The following RBM7 variants were observed in gnomAD, a reference collection of about 807,000 sequenced individuals.
The protein encoded by RBM7 is RNA-binding protein 7.
RBM7 carries 13 observed loss-of-function variants against 31.0 expected under a neutral mutation model. The observed-to-expected ratio is 0.42, with a 90% CI of 0.27 to 0.67. The LOEUF (loss-of-function observed/expected upper bound fraction) is 0.67. RBM7 is among the 30% of genes least tolerant of loss of function. RBM7 has a pLI of 0.24. For missense variants in RBM7, 245 were observed against 326.2 expected, an observed-to-expected ratio of 0.75 and a Z score of 1.92; for synonymous variants, 106 against 111.2, an observed-to-expected ratio of 0.95 and a Z score of 0.30.
rs1053791256 is a variant in RBM7 at position 114,407,627 on chromosome 11, C to T, written c.624C>T (p.Tyr208=). The change falls in exon 5 of 5, where the codon TAC becomes TAT. Residue 208 remains tyrosine (Y), a synonymous_variant. Coordinates refer to ENST00000375490, the MANE Select transcript of RBM7 (RefSeq NM_001286045.2). ...AAGTCAGAATGAATTCTTATCCCTA[C>T]CTAGCAGATAGACATTATAGCCGGG... The part of the protein sequence containing the change: ...QRKVRMNSYP[Y]LADRHYSREQ... 1 of 1,613,924 alleles carries T rather than the reference C, an allele frequency of 6.2e-7. No homozygotes were observed. Among genetic ancestry groups the T allele is most frequent in the Non-Finnish European group, 8.5e-7 (1 of 1,179,934 alleles).
intron 3 of RBM7, among the ~76,000 whole-genome samples, chr11:114,403,253 T>C (rs1946227900): frequency 6.6e-6 from 1 of 152,242 alleles, no homozygotes; most frequent in Non-Finnish European, 1.5e-5. Flanking sequence ...CTACTTGGAT[T>C]ACTATTTCAT....
intron 1 of RBM7, among the ~76,000 whole-genome samples, chr11:114,401,345 A>G (rs1234893946): frequency 6.6e-6 from 1 of 152,200 alleles, no homozygotes. Flanking sequence ...ATTAATCAAT[A>G]CAAAAGTCCG....
At position 114,407,969 on chromosome 11, in the gene RBM7, G is replaced by A. The variant is rs757663369; in HGVS notation, c.*162G>A. 5.0e-6 allele frequency: 4 copies of A among 792,398 alleles called. No individual in the cohort carries two copies. Among genetic ancestry groups the A allele is most frequent in the Non-Finnish European group, 7.4e-6 (4 of 541,888 alleles). The allele number at this position is 792,398 out of a possible 1,614,324, so 49.1% of individuals were successfully genotyped here. A position where few individuals can be genotyped will look rare whatever the true frequency, so the allele number is the denominator to read the frequency against. ...ACAGTTTAATACAAAATGAATTGCG[G>A]TTTTATTACATTAATAACCTTTCAC... On this transcript the variant is annotated 3_prime_UTR_variant, in exon 5 of 5. Transcript: ENST00000375490.
At chr11:114,405,971 G>T in intron 4 of RBM7, 172 bp downstream of exon 4, 1 of 511,278 alleles carries the variant, frequency 2.0e-6, no homozygotes, top group Non-Finnish European at 3.4e-6. Context: ...TCAAATTTTT[G>T]TTAGACTAGC....
At position 114,409,101 on chromosome 11, in the gene RBM7, C is replaced by T. The variant is rs1398711742; in HGVS notation, c.*1294C>T. 3 of 151,996 alleles carry T rather than the reference C, an allele frequency of 2.0e-5. No individual in the cohort carries two copies. Among genetic ancestry groups the T allele is most frequent in the East Asian group, 1.9e-4 (1 of 5,206 alleles). 9.4% of individuals were successfully genotyped at this position (151,996 alleles called of 1,614,324 possible). On this transcript the variant is annotated 3_prime_UTR_variant, in exon 5 of 5. Coordinates refer to ENST00000375490, the MANE Select transcript of RBM7 (RefSeq NM_001286045.2). ...CACAATCAGATTTTCAGTGACCCCT[C>T]GATTATAGCTTGGAGTACTTTAGTT...
rs910773755 is a variant in RBM7 at position 114,410,539 on chromosome 11, A to G, written c.*2732A>G. 3.9e-5 allele frequency: 6 copies of G among 152,200 alleles called. No homozygotes were observed. The highest frequency in any genetic ancestry group is 1.4e-4 in the African/African-American group (6 of 41,442). 9.4% of individuals were successfully genotyped at this position (152,200 alleles called of 1,614,324 possible). A position where few individuals can be genotyped will look rare whatever the true frequency, so the allele number is the denominator to read the frequency against. On this transcript the variant is annotated 3_prime_UTR_variant, in exon 5 of 5. Transcript: ENST00000375490. ...CTTCCAGTCTTCTTTCCTCAAATTT[A>G]TTCCACACTCTTAAGAATTGAAGAT...
chr11:114,407,160 G>A (rs1478978677), intron 4 of RBM7: 1 of 266,370 alleles, frequency 3.8e-6, no homozygotes, highest in Non-Finnish European at 7.1e-6. Flanking sequence ...CTTTCCTAAT[G>A]ATACTGATCT....
intron 4 of RBM7, chr11:114,407,139 C>T (rs1039733453): frequency 4.4e-6 from 1 of 227,804 alleles, no homozygotes; most frequent in Non-Finnish European, 8.5e-6. Flanking sequence ...CATATGCCAC[C>T]TTCATGAAAC....
In RBM7 at chr11:114,410,454, A is replaced by G. The variant is rs1946322298; in HGVS notation, c.*2647A>G. The G allele has an allele frequency of 6.6e-6, 1 of 152,154 alleles. No individual in the cohort carries two copies. The highest frequency in any genetic ancestry group is 2.1e-4 in the South Asian group (1 of 4,820). The allele number at this position is 152,154 out of a possible 1,614,324, so 9.4% of individuals were successfully genotyped here. On this transcript the variant is annotated 3_prime_UTR_variant, in exon 5 of 5. Coordinates refer to ENST00000375490, the MANE Select transcript of RBM7 (RefSeq NM_001286045.2). ...CACTTTCCCCATACCTACTGCTACC[A>G]TCTTAGAGTAGGCAATTTTCTCAAG...
rs747450526 is a variant in RBM7, at chr11:114,407,405, A to G, written c.442-40A>G. 10 of 1,564,358 alleles carry G rather than the reference A, an allele frequency of 6.4e-6. No individual in the cohort carries two copies. The South Asian group carries it at 1.1e-4, about 17-fold the overall frequency. The stretch of plus-strand genomic sequence containing the variant: ...TGACCAAATACATATTAGCTTTGAT[A>G]TCTAGAAGTATTAACATTTCCACTT... On this transcript the variant is annotated intron_variant, in intron 4 of 4. Transcript: ENST00000375490.
Position 114,407,841 on chromosome 11 carries a change from A to C in RBM7, c.*34A>C. The C allele has an allele frequency of 6.5e-7, 1 of 1,547,922 alleles. No homozygotes were observed. Among genetic ancestry groups the C allele is most frequent in the Non-Finnish European group, 8.7e-7 (1 of 1,151,828 alleles). On this transcript the variant is annotated 3_prime_UTR_variant, in exon 5 of 5. Transcript: ENST00000375490. ...AAAAGGACATTGTTTTTATAGGGTCATTTTAGGCCCTTTGACTAAGTTGAT... is the reference window on the plus strand; with the variant it reads ...AAAAGGACATTGTTTTTATAGGGTCCTTTTAGGCCCTTTGACTAAGTTGAT...
In RBM7 at chr11:114,402,906, C is replaced by A; in HGVS notation, c.338C>A (p.Ser113Tyr). 1 of 1,605,530 alleles carries A rather than the reference C, an allele frequency of 6.2e-7. No homozygotes were observed. Among genetic ancestry groups the A allele is most frequent in the Non-Finnish European group, 8.5e-7 (1 of 1,172,228 alleles). The change falls in exon 3 of 5, where the codon TCT (serine) becomes TAT (tyrosine). Residue 113 changes from serine (S) to tyrosine (Y), a missense_variant. Coordinates refer to ENST00000375490, the MANE Select transcript of RBM7 (RefSeq NM_001286045.2). Reference sequence around the variant, plus strand: ...GGAAATTCAAGCCCTACCTCCACATCTCCTAGCAGGTAATATTTCTCACTT... The same window carrying A: ...GGAAATTCAAGCCCTACCTCCACATATCCTAGCAGGTAATATTTCTCACTT... ...HVGNSSPTST[S>Y]PSSRYERTMD...
intron 4 of RBM7, chr11:114,407,193 A>C: frequency 3.0e-6 from 1 of 337,074 alleles, no homozygotes; most frequent in East Asian, 5.0e-5. Flanking sequence ...TTTTTTACAC[A>C]GTGATTTTGC....
At position 114,408,641 on chromosome 11, in the gene RBM7, AAC is replaced by A. The variant is rs1946299604; in HGVS notation, c.*836_*837del. ...CTGTCAGTCAAACGTTAAAAACTTT[AAC>A]ATTTTCAAAGTGCCCAGACTGTGTA... On this transcript the variant is annotated 3_prime_UTR_variant, in exon 5 of 5. Coordinates refer to ENST00000375490, the MANE Select transcript of RBM7 (RefSeq NM_001286045.2). 6.6e-6 allele frequency: 1 copy of A among 152,556 alleles called. No homozygotes were observed. The highest frequency in any genetic ancestry group is 2.1e-4 in the South Asian group (1 of 4,834). The allele number at this position is 152,556 out of a possible 1,614,324, so 9.5% of individuals were successfully genotyped here. A position where few individuals can be genotyped will look rare whatever the true frequency, so the allele number is the denominator to read the frequency against.
At chr11:114,401,884 G>A (rs746950932) in intron 2 of RBM7, 24 bp downstream of exon 2, 16 of 1,549,784 alleles carry the variant, frequency 1.0e-5, no homozygotes, top group Admixed American at 2.2e-5. Flanking sequence ...GAGGTTCGGG[G>A]GGCATTGTTT....
At chr11:114,402,797 A>G (rs771239283) in intron 2 of RBM7, 31 bp from the exon 3 acceptor site, 1 of 1,543,066 alleles carries the variant, frequency 6.5e-7, no homozygotes, top group Non-Finnish European at 9.0e-7. Flanking sequence ...ATTTTCTATC[A>G]AGAATAATTT....
chr11:114,405,661 TA>T (rs1946256920), intron 3 of RBM7, 44 bp from the exon 4 acceptor site: 1 of 1,372,116 alleles, frequency 7.3e-7, no homozygotes, highest in Non-Finnish European at 1.0e-6. Context: ...TGTTAGTTAG[TA>T]AATATTTATT....
chr11:114,400,699 C>T lies in RBM7; in HGVS notation c.28C>T (p.Arg10Cys), dbSNP rs376690569. The T allele has an allele frequency of 5.6e-6, 9 of 1,614,182 alleles. No individual in the cohort carries two copies. Among genetic ancestry groups the T allele is most frequent in the African/African-American group, 4.0e-5 (3 of 75,042 alleles). Residue 10 changes from arginine (R) to cysteine (C), a missense_variant, in exon 1 of 5, where the codon CGC becomes TGC. Arg to Cys is a radical substitution (Grantham distance 180). Coordinates refer to ENST00000375490, the MANE Select transcript of RBM7 (RefSeq NM_001286045.2). The part of the protein sequence containing the change: MGAAAAEAD[R>C]TLFVGNLETK... ...GGGGGCGGCGGCGGCGGAAGCGGAT[C>T]GCACTCTCTTTGTGGGCAACCTTGA...
intron 4 of RBM7, 133 bp downstream of exon 4, chr11:114,405,932 C>A (rs531932641): frequency 2.3e-5 from 13 of 566,050 alleles, no homozygotes; most frequent in Non-Finnish European, 3.8e-5. Context: ...GTCCTCAAGG[C>A]GTAAGTGAAC....
Sources: allele counts gnomAD v4.1 joint callset (sites outside exome capture counted in the v4.1 genomes callset), GRCh38; gene constraint gnomAD v4.1.1; transcripts MANE v1.5; gene names NCBI Gene and HGNC (gene_info 2026-07-23, HGNC 2026-07-21).